EFEMP1: variants seen among roughly 807,000 people sequenced by gnomAD.
EFEMP1 encodes EGF-like fibulin extracellular matrix protein 1, also known as EGF-containing fibulin-like extracellular matrix protein 1.
Under a neutral mutation model 65.7 loss-of-function variants are expected in EFEMP1, and 18 were observed. The observed-to-expected ratio is 0.27, with a 90% CI of 0.19 to 0.41. EFEMP1 has a LOEUF of 0.41. EFEMP1 is among the 10% of genes least tolerant of loss of function. EFEMP1 has a pLI of 1.00. For missense variants in EFEMP1, 469 were observed against 624.8 expected (o/e 0.75, Z 2.66); for synonymous variants, 237 against 219.7 (o/e 1.08, Z -0.70).
intron 6 of EFEMP1, among the ~76,000 whole-genome samples, chr2:55,880,067 A>C (rs1441409415): frequency 8.5e-5 from 13 of 152,182 alleles, no homozygotes; most frequent in Non-Finnish European, 1.3e-4. Flanking sequence ...GAGGCACCAA[A>C]GTGTAAGTAA....
At position 55,874,948 on chromosome 2, in the gene EFEMP1, T is replaced by C; in HGVS notation, c.998A>G (p.Gln333Arg). The C allele has an allele frequency of 6.2e-7, 1 of 1,602,476 alleles. No individual in the cohort carries two copies. Among genetic ancestry groups the C allele is most frequent in the Non-Finnish European group, 8.5e-7 (1 of 1,172,784 alleles). Residue 333 changes from glutamine (Q) to arginine (R), a missense_variant and splice_region_variant, in exon 9 of 12, where the codon CAA becomes CGA. By Grantham distance (43) the Gln-to-Arg change is conservative. Coordinates refer to ENST00000355426, the MANE Select transcript of EFEMP1 (RefSeq NM_001039348.3). ...GYQVVRSRTCQDINECETTNE... is the reference protein window; with the variant it reads ...GYQVVRSRTCRDINECETTNE... ...TATGAAAAAAAAAATAAACTTACCTTGACATGTTCTACTTCTCACCACTTG... is the reference window on the plus strand; with the variant it reads ...TATGAAAAAAAAAATAAACTTACCTCGACATGTTCTACTTCTCACCACTTG...
Position 55,922,552 on chromosome 2 carries a change from A to T in EFEMP1, c.-7-105T>A. 9.8e-7 allele frequency: 1 copy of T among 1,015,864 alleles called. No homozygotes were observed. The highest frequency in any genetic ancestry group is 1.5e-6 in the Non-Finnish European group (1 of 654,940). The allele number at this position is 1,015,864 out of a possible 1,614,324, so 62.9% of individuals were successfully genotyped here. On this transcript the variant is annotated intron_variant, in intron 2 of 11. Transcript: ENST00000355426. The surrounding 1 kb of genome is among the most constrained non-coding windows in gnomAD (Gnocchi z 5.5). ...GAGGAAAGGAGGGTGGGAGAGGCTG[A>T]GGCTCCACCATACTCAACTTCCAAT...
Position 55,922,450 on chromosome 2 carries a change from C to G in EFEMP1, c.-7-3G>C, listed in dbSNP as rs1219489996. ...AAAGGGCTTTCAACATTGTGAATCT[C>G]AAAGAAAATACAGGACAAACTAATG... On this transcript the variant is annotated splice_region_variant and splice_polypyrimidine_tract_variant and intron_variant, in intron 2 of 11. Coordinates refer to ENST00000355426, the MANE Select transcript of EFEMP1 (RefSeq NM_001039348.3). The surrounding 1 kb of genome is among the most constrained non-coding windows in gnomAD (Gnocchi z 5.5). 3 of 1,612,934 alleles carry G rather than the reference C, an allele frequency of 1.9e-6. No homozygotes were observed. The highest frequency in any genetic ancestry group is 2.5e-6 in the Non-Finnish European group (3 of 1,179,132).
At position 55,922,519 on chromosome 2, in the gene EFEMP1, G is replaced by A; in HGVS notation, c.-7-72C>T. ...GAAAGTAACAAAACTTTAGCAGTGA[G>A]CACAAGCGAGGAAAGGAGGGTGGGA... On this transcript the variant is annotated intron_variant, in intron 2 of 11. Transcript: ENST00000355426. The surrounding 1 kb of genome is among the most constrained non-coding windows in gnomAD (Gnocchi z 5.5). 2 of 1,382,038 alleles carry A rather than the reference G, an allele frequency of 1.4e-6. No individual in the cohort carries two copies. The highest frequency in any genetic ancestry group is 2.0e-6 in the Non-Finnish European group (2 of 975,876). The allele number at this position is 1,382,038 out of a possible 1,614,324, so 85.6% of individuals were successfully genotyped here. A position where few individuals can be genotyped will look rare whatever the true frequency, so the allele number is the denominator to read the frequency against.
intron 5 of EFEMP1, among the ~76,000 whole-genome samples, chr2:55,906,010 A>C (rs192944926): frequency 1.9e-3 from 284 of 152,286 alleles, no homozygotes; most frequent in Admixed American, 4.9e-3. Flanking sequence ...TCTAATTTAC[A>C]ATAGTTTTGC....
Position 55,870,668 on chromosome 2 carries a change from A to G in EFEMP1, c.1320+52T>C. Reference sequence around the variant, plus strand: ...CACAACAACAACAACAACAACAACAACAACAAACTCCCATCTTTCTCAATA... The same window carrying G: ...CACAACAACAACAACAACAACAACAGCAACAAACTCCCATCTTTCTCAATA... On this transcript the variant is annotated intron_variant, in intron 11 of 11. Coordinates refer to ENST00000355426, the MANE Select transcript of EFEMP1 (RefSeq NM_001039348.3). The surrounding 1 kb of genome is among the most constrained non-coding windows in gnomAD (Gnocchi z 5.8). 1 of 1,604,792 alleles carries G rather than the reference A, an allele frequency of 6.2e-7. No homozygotes were observed. The highest frequency in any genetic ancestry group is 1.1e-5 in the South Asian group (1 of 90,340).
chr2:55,895,577 T>C (rs968535632), intron 5 of EFEMP1, among the ~76,000 whole-genome samples: 8 of 150,028 alleles, frequency 5.3e-5, no homozygotes, highest in Non-Finnish European at 1.2e-4. Context: ...GGAGTCTCGC[T>C]GTCGCCCAGG....
At chr2:55,901,734 T>C (rs1429778696) in intron 5 of EFEMP1, among the ~76,000 whole-genome samples, 1 of 152,218 alleles carries the variant, frequency 6.6e-6, no homozygotes, top group African/African-American at 2.4e-5. Flanking sequence ...GATGCCAACA[T>C]CTTGGCATTC....
chr2:55,898,530 T>A (rs1248068215), intron 5 of EFEMP1, among the ~76,000 whole-genome samples: 1 of 152,070 alleles, frequency 6.6e-6, no homozygotes, highest in Non-Finnish European at 1.5e-5. Context: ...CACTCCCTTT[T>A]CCATAAATCA....
chr2:55,881,695 G>T lies in EFEMP1; in HGVS notation c.557C>A (p.Ala186Glu), dbSNP rs778582930. 4 of 1,613,940 alleles carry T rather than the reference G, an allele frequency of 2.5e-6. No homozygotes were observed. The African/African-American group carries it at 5.3e-5, about 22-fold the overall frequency. Residue 186 changes from alanine (A) to glutamate (E), a missense_variant, in exon 6 of 12, where the codon GCA becomes GAA. By Grantham distance (107) the Ala-to-Glu change is moderately radical. Around this residue, in one of 3 missense-constraint regions of EFEMP1, gnomAD observed 399 missense variants for 528.2 expected, o/e 0.76. Coordinates refer to ENST00000355426, the MANE Select transcript of EFEMP1 (RefSeq NM_001039348.3). Reference sequence around the variant, plus strand: ...CCGTAAATTGATGCACACTTGGTCTGCTCTACAGTTGTGCGTCCCTGCAGT... The same window carrying T: ...CCGTAAATTGATGCACACTTGGTCTTCTCTACAGTTGTGCGTCCCTGCAGT... ...ECTAGTHNCR[A>E]DQVCINLRGS...
At chr2:55,904,973 T>TTTTTTTTTTTTTTTTTTG in intron 5 of EFEMP1, among the ~76,000 whole-genome samples, 1 of 36,114 alleles carries the variant, frequency 2.8e-5, no homozygotes. Flanking sequence ...TGGCTTTTTT[T>TTTTTTTTTTTTTTTTTTG]TTTTTCTTTT....
At chr2:55,868,251 T>C (rs1294145668) in intron 11 of EFEMP1, among the ~76,000 whole-genome samples, 3 of 152,188 alleles carry the variant, frequency 2.0e-5, no homozygotes, top group African/African-American at 7.2e-5. Flanking sequence ...AATTAATTTA[T>C]TCATTTAAAT....
rs1366641028 is a variant in EFEMP1 at position 55,866,624 on chromosome 2, A to G, written c.*449T>C. The G allele has an allele frequency of 6.3e-6, 1 of 159,900 alleles. No individual in the cohort carries two copies. The highest frequency in any genetic ancestry group is 1.4e-5 in the Non-Finnish European group (1 of 72,406). 9.9% of individuals were successfully genotyped at this position (159,900 alleles called of 1,614,324 possible). A position where few individuals can be genotyped will look rare whatever the true frequency, so the allele number is the denominator to read the frequency against. ...AGATCCCCATTTTCTAAAGAAATAT[A>G]TCTTTATTGACCTTTTCCATTTTCT... On this transcript the variant is annotated 3_prime_UTR_variant, in exon 12 of 12. Transcript: ENST00000355426.
rs1486401081 is a variant in EFEMP1, at chr2:55,876,736, T to A, written c.767A>T (p.Asn256Ile). Residue 256 changes from asparagine (N) to isoleucine (I), a missense_variant, in exon 8 of 12, where the codon AAT becomes ATT. Physicochemically the swap from Asn to Ile is moderately radical, Grantham distance 149. Coordinates refer to ENST00000355426, the MANE Select transcript of EFEMP1 (RefSeq NM_001039348.3). ...AANNYTCVDI[N>I]ECDASNQCAQ... ...ACATTGATTGCTGGCATCACATTCA[T>A]TTATATCTGAAAAAAAGTTTTATAT... is the stretch of plus-strand genomic sequence containing the variant. 6.2e-7 allele frequency: 1 copy of A among 1,603,580 alleles called. No homozygotes were observed. Among genetic ancestry groups the A allele is most frequent in the Non-Finnish European group, 8.5e-7 (1 of 1,174,176 alleles).
intron 5 of EFEMP1, among the ~76,000 whole-genome samples, chr2:55,896,366 T>A (rs1669830671): frequency 6.6e-6 from 1 of 152,208 alleles, no homozygotes; most frequent in African/African-American, 2.4e-5. Flanking sequence ...TAGCACAGAC[T>A]CTAAAATGGA....
chr2:55,873,062 CT>C lies in EFEMP1; in HGVS notation c.1000+1883del, dbSNP rs1195772273. On this transcript the variant is annotated intron_variant, in intron 9 of 11. Transcript: ENST00000355426. This position sits in a 1 kb window ranked among gnomAD's most constrained non-coding sequence, Gnocchi z 4.6. ...TGTATTCTTTTGTCTCTCTGTCTCT[CT>C]CTCCACACACACACACACACACACA... is the stretch of plus-strand genomic sequence containing the variant. 1.3e-4 allele frequency among the ~76,000 whole-genome samples: 10 copies of C among 75,182 alleles called. No homozygotes were observed. The highest frequency in any genetic ancestry group is 1.2e-3 in the South Asian group (2 of 1,692). The allele number at this position is 75,182 out of a possible 152,430, so 49.3% of individuals were successfully genotyped here.
intron 5 of EFEMP1, among the ~76,000 whole-genome samples, chr2:55,895,581 G>A (rs1484305902): frequency 2.8e-5 from 4 of 144,148 alleles, no homozygotes; most frequent in Non-Finnish European, 6.0e-5. Flanking sequence ...TCTCGCTGTC[G>A]CCCAGGCTGG....
chr2:55,908,106 A>C (rs1263372609), intron 5 of EFEMP1, among the ~76,000 whole-genome samples: 1 of 152,110 alleles, frequency 6.6e-6, no homozygotes, highest in Non-Finnish European at 1.5e-5. Context: ...GAGCTTCTCT[A>C]CTTTGGGACA....
At chr2:55,908,165 T>C (rs1234117530) in intron 5 of EFEMP1, among the ~76,000 whole-genome samples, 1 of 152,216 alleles carries the variant, frequency 6.6e-6, no homozygotes, top group East Asian at 1.9e-4. Context: ...CTAAGTGACT[T>C]TCTTGGATTC....
Sources: allele counts gnomAD v4.1 joint callset (sites outside exome capture counted in the v4.1 genomes callset), GRCh38; gene constraint gnomAD v4.1.1; regional missense constraint gnomAD v4.1.1; non-coding constraint Gnocchi (gnomAD v3.1); transcripts MANE v1.5; gene names NCBI Gene and HGNC (gene_info 2026-07-23, HGNC 2026-07-21).